The following PRAMEF19 variants were observed in gnomAD, a reference collection of about 807,000 sequenced individuals.
The protein encoded by PRAMEF19 is PRAME family member-like.
PRAMEF19 carries 21 observed loss-of-function variants against 33.1 expected under a neutral mutation model. The ratio of observed to expected loss-of-function variants is 0.63; its 90% CI spans 0.45 to 0.91. The LOEUF (loss-of-function observed/expected upper bound fraction) is 0.91, where lower values mean the gene tolerates loss of function less well. Ranked by LOEUF, PRAMEF19 falls within the 40% of genes least tolerant of loss-of-function variation. The pLI is 0.00. For missense variants in PRAMEF19, 481 were observed against 585.2 expected (o/e 0.82, Z 1.84); for synonymous variants, 179 against 229.3 (o/e 0.78, Z 1.98).
At chr1:13,371,629 T>C (rs1640673867) in exon 1 of PRAMEF19, 5 of 1,610,698 alleles carry the variant, frequency 3.1e-6, no homozygotes, top group East Asian at 4.5e-5. Context: ...GCGAACCTTT[T>C]GGGCAAGCAG....
At chr1:13,371,315 GCTT>G (rs1640669762) in intron 1 of PRAMEF19, 88 bp from the exon 2 acceptor site, 1 of 1,605,144 alleles carries the variant, frequency 6.2e-7, no homozygotes, top group Non-Finnish European at 8.5e-7. Context: ...GACTTCAGCT[GCTT>G]TTTTCCTCAG....
exon 3 of PRAMEF19, chr1:13,369,191 C>T (rs758393659): frequency 9.2e-5 from 148 of 1,612,010 alleles, no homozygotes; most frequent in African/African-American, 7.9e-4. Context: ...CCTCAGTATA[C>T]GCATCAGCTC....
chr1:13,370,794 C>G (rs1275973543), exon 2 of PRAMEF19: 1 of 1,613,814 alleles, frequency 6.2e-7, no homozygotes, highest in Non-Finnish European at 8.5e-7. Flanking sequence ...CCACAGCCAT[C>G]GGAGATGAAG....
chr1:13,370,823 A>C, exon 2 of PRAMEF19: 1 of 1,613,966 alleles, frequency 6.2e-7, no homozygotes, highest in Non-Finnish European at 8.5e-7. Flanking sequence ...AAGATTCTTC[A>C]TCTGGCTCAG....
At position 13,371,116 on chromosome 1, in the gene PRAMEF19, C is replaced by CTG; in HGVS notation, c.397_398dup (p.Gln133HisfsTer16). On this transcript the variant is annotated frameshift_variant, in exon 2 of 3. Coordinates refer to ENST00000376101, the Ensembl canonical transcript of PRAMEF19. LOFTEE classifies it high-confidence loss of function. ...CTGTCCTTGGACAGTCCTCCACTGT[C>CTG]TGTCTCTTACTCATGGCCTCTGGGG... is the stretch of plus-strand genomic sequence containing the variant. 6.2e-7 allele frequency: 1 copy of CTG among 1,612,370 alleles called. No homozygotes were observed.
At chr1:13,370,451 G>C (rs1640656355) in intron 2 of PRAMEF19, among the ~76,000 whole-genome samples, 198 bp downstream of exon 2, 1 of 151,972 alleles carries the variant, frequency 6.6e-6, no homozygotes, top group South Asian at 2.1e-4. Context: ...TCTATGCCAG[G>C]TCATCCCTCT....
chr1:13,368,537 T>C (rs1640627632), downstream of PRAMEF19, among the ~76,000 whole-genome samples: 1 of 152,194 alleles, frequency 6.6e-6, no homozygotes. Flanking sequence ...ATTTCTGATG[T>C]ATAAATTGCT....
exon 3 of PRAMEF19, chr1:13,369,174 T>A (rs1640636441): frequency 6.2e-7 from 1 of 1,611,824 alleles, no homozygotes; most frequent in East Asian, 2.2e-5. Flanking sequence ...TTGGGCTCCC[T>A]TACTTCCCTC....
At chr1:13,369,367 G>A in exon 3 of PRAMEF19, 3 of 1,612,258 alleles carry the variant, frequency 1.9e-6, no homozygotes, top group Non-Finnish European at 2.5e-6. Context: ...AGCAGAAAGT[G>A]GTGAGGTTGG....
At chr1:13,368,767 T>G (rs1197784550), downstream of PRAMEF19, among the ~76,000 whole-genome samples, 6 of 152,088 alleles carry the variant, frequency 3.9e-5, no homozygotes, top group African/African-American at 1.4e-4. Context: ...GTGTTTTTTT[T>G]CCCACTCACA....
At chr1:13,370,710 G>A (rs1413261638) in exon 2 of PRAMEF19, 40 of 1,613,818 alleles carry the variant, frequency 2.5e-5, no homozygotes, top group Non-Finnish European at 3.1e-5. Flanking sequence ...AGCATCTGGA[G>A]GTACTCCAGC....
exon 2 of PRAMEF19, chr1:13,370,729 C>T (rs1308533788): frequency 1.9e-6 from 3 of 1,613,840 alleles, no homozygotes; most frequent in Admixed American, 3.3e-5. Context: ...GCCTGAGGAA[C>T]ACAGAGCTGA....
chr1:13,370,636 C>T lies in PRAMEF19; in HGVS notation c.866+13G>A. ...GCTGTGTCCCCCAGAGAAAGCTCACCATCTTTCCTCACCTGATCAGCTGGT... is the reference window on the plus strand; with the variant it reads ...GCTGTGTCCCCCAGAGAAAGCTCACTATCTTTCCTCACCTGATCAGCTGGT... On this transcript the variant is annotated intron_variant, in intron 2 of 2. Transcript: ENST00000376101. 6.2e-7 allele frequency: 1 copy of T among 1,613,648 alleles called. No homozygotes were observed. The highest frequency in any genetic ancestry group is 8.5e-7 in the Non-Finnish European group (1 of 1,179,764).
intron 2 of PRAMEF19, among the ~76,000 whole-genome samples, chr1:13,370,328 T>C (rs1327614339): frequency 6.6e-6 from 1 of 152,302 alleles, no homozygotes; most frequent in Non-Finnish European, 1.5e-5. Context: ...TTCATACTTA[T>C]CATATTAACT....
exon 3 of PRAMEF19, chr1:13,369,080 C>T (rs1569832346): frequency 6.2e-7 from 1 of 1,612,012 alleles, no homozygotes. Context: ...GGCAGGCCTT[C>T]CCCGCAAGCA....
chr1:13,369,649 A>G lies in PRAMEF19; in HGVS notation c.867-9T>C, dbSNP rs1257678245. On this transcript the variant is annotated splice_polypyrimidine_tract_variant and intron_variant, in intron 2 of 2. Transcript: ENST00000376101. The stretch of plus-strand genomic sequence containing the variant: ...ACGGGCTCTTGAGGCACCTGGGGAG[A>G]GCAAGAAGTTAGTACTGGGCAATGG... 3.7e-6 allele frequency: 6 copies of G among 1,613,532 alleles called. No homozygotes were observed. In the African/African-American group the frequency reaches 8.0e-5, roughly 22 times the overall value.
At chr1:13,370,384 C>T (rs1640655551) in intron 2 of PRAMEF19, among the ~76,000 whole-genome samples, 2 of 152,254 alleles carry the variant, frequency 1.3e-5, no homozygotes, top group Admixed American at 1.3e-4. Flanking sequence ...AATTCACCCT[C>T]ACTGGAGCTG....
At chr1:13,369,403 G>A (rs1160252950) in exon 3 of PRAMEF19, 1 of 1,612,798 alleles carries the variant, frequency 6.2e-7, no homozygotes, top group East Asian at 2.2e-5. Context: ...CAGGCAGGAT[G>A]ACCCTGAGTT....
chr1:13,368,767 T>TC (rs1640631058), downstream of PRAMEF19, among the ~76,000 whole-genome samples: 2 of 152,088 alleles, frequency 1.3e-5, no homozygotes, highest in South Asian at 2.1e-4. Flanking sequence ...GTGTTTTTTT[T>TC]CCCACTCACA....
Sources: gnomAD v4.1 joint callset for allele counts (sites outside exome capture counted in the v4.1 genomes callset) on GRCh38, gnomAD v4.1.1 for gene constraint, MANE v1.5 for transcripts, NCBI Gene and HGNC (gene_info 2026-07-23, HGNC 2026-07-21) for gene names.